The following FAM107A variants were observed in gnomAD, a reference collection of about 807,000 sequenced individuals.
FAM107A encodes family with sequence similarity 107 member A.
A neutral mutation model predicts 13.7 loss-of-function variants in FAM107A; 19 were observed. The observed-to-expected ratio is 1.38, with a 90% CI of 0.97 to 2.03. The LOEUF is 2.03. FAM107A is among the 30% of genes most tolerant of loss of function. The probability of loss-of-function intolerance (pLI) is 0.00; values close to 1 mark genes in which losing one functional copy is unlikely to be tolerated. For missense variants in FAM107A, 203 were observed against 184.4 expected, an observed-to-expected ratio of 1.10 and a Z score of -0.58; for synonymous variants, 82 against 74.5, an observed-to-expected ratio of 1.10 and a Z score of -0.52.
chr3:58,603,058 A>C (rs1375551229), intron 1 of FAM107A, among the ~76,000 whole-genome samples: 2 of 152,174 alleles, frequency 1.3e-5, no homozygotes, highest in East Asian at 3.8e-4. Flanking sequence ...AGTTCTCTGC[A>C]TTTCTTGAGT....
upstream of FAM107A, among the ~76,000 whole-genome samples, chr3:58,588,104 G>A (rs1234115430): frequency 2.6e-5 from 4 of 152,166 alleles, no homozygotes; most frequent in Non-Finnish European, 4.4e-5. Flanking sequence ...CAGTTTACAG[G>A]TGAGGTCGTT....
At chr3:58,626,258 T>C (rs2066015610) in intron 1 of FAM107A, among the ~76,000 whole-genome samples, 1 of 152,094 alleles carries the variant, frequency 6.6e-6, no homozygotes, top group South Asian at 2.1e-4. Context: ...AGAAAGTGAC[T>C]GTTTCACAAG....
chr3:58,622,848 G>C (rs2065969742), intron 1 of FAM107A, among the ~76,000 whole-genome samples: 1 of 152,118 alleles, frequency 6.6e-6, no homozygotes, highest in South Asian at 2.1e-4. Flanking sequence ...TCTTGTCCTT[G>C]AGCCTCCCAC....
upstream of FAM107A, among the ~76,000 whole-genome samples, chr3:58,581,576 C>G (rs1177295071): frequency 3.3e-5 from 5 of 152,132 alleles, no homozygotes; most frequent in East Asian, 9.6e-4. Context: ...CAGCCACCCA[C>G]AAAACAGCCC....
upstream of FAM107A, among the ~76,000 whole-genome samples, chr3:58,581,325 G>A (rs1381785178): frequency 6.6e-6 from 1 of 152,250 alleles, no homozygotes; most frequent in African/African-American, 2.4e-5. Flanking sequence ...TGACAGGGAG[G>A]TGGAGAATTT....
rs570493222 is a variant in FAM107A at position 58,623,141 on chromosome 3, A to G, written c.-70+4275T>C. Among the ~76,000 whole-genome samples, 33 of 152,370 alleles carry G rather than the reference A, an allele frequency of 2.2e-4. No homozygotes were observed. In the South Asian group the frequency reaches 6.6e-3, roughly 31 times the overall value. Reference sequence around the variant, plus strand: ...TTCAGGGAGCCAGCAGGGCCCAGCCAGATGTGTACCTTCTGGGCTCTGATA... The same window carrying G: ...TTCAGGGAGCCAGCAGGGCCCAGCCGGATGTGTACCTTCTGGGCTCTGATA... On this transcript the variant is annotated intron_variant, in intron 1 of 3. Transcript: ENST00000465970.
intron 1 of FAM107A, among the ~76,000 whole-genome samples, chr3:58,605,732 C>A (rs1282591193): frequency 6.6e-6 from 1 of 152,150 alleles, no homozygotes; most frequent in African/African-American, 2.4e-5. Context: ...GACATCCTTA[C>A]CCCCTCTCTA....
At chr3:58,584,971 G>A (rs2065588551) in intron 1 of FAM107A, among the ~76,000 whole-genome samples, 1 of 152,048 alleles carries the variant, frequency 6.6e-6, no homozygotes, top group African/African-American at 2.4e-5. Flanking sequence ...TGTGCGTTTT[G>A]TCCAATTCTT....
rs191887904 is a variant in FAM107A, at chr3:58,595,686, C to T, written c.-69-6417G>A. Among the ~76,000 whole-genome samples, 112 of 148,630 alleles carry T rather than the reference C, an allele frequency of 7.5e-4. No homozygotes were observed. In the East Asian group the frequency reaches 0.018, roughly 23 times the overall value. On this transcript the variant is annotated intron_variant, in intron 1 of 3. Coordinates refer to the FAM107A transcript ENST00000465970. ...CCCGCCTGCACCCAAGTGAAATAAA[C>T]AGCCTTGTTGCGTGCACACACACAC...
chr3:58,586,351 G>A, intron 1 of FAM107A, among the ~76,000 whole-genome samples: 1 of 152,122 alleles, frequency 6.6e-6, no homozygotes, highest in Non-Finnish European at 1.5e-5. Flanking sequence ...AGAAAGCAAT[G>A]TATGTCATAG....
At chr3:58,570,003 C>T in intron 1 of FAM107A, 138 bp from the exon 2 acceptor site, 3 of 750,456 alleles carry the variant, frequency 4.0e-6, no homozygotes, top group Non-Finnish European at 6.2e-6. Flanking sequence ...GGCAAGCTAC[C>T]TGACTTTCTG....
rs2063659234 is a variant in FAM107A at position 58,569,536 on chromosome 3, A to G, written c.170+155T>C. On this transcript the variant is annotated intron_variant, in intron 2 of 3. Coordinates refer to ENST00000360997, the MANE Select transcript of FAM107A (RefSeq NM_001076778.3). The surrounding 1 kb of genome is among the most constrained non-coding windows in gnomAD (Gnocchi z 5.7). ...GACCCACTGGGGACAGGGTCTTTAC[A>G]GGTTTTGCCGGTGATCATGTGGGGC... 6.6e-6 allele frequency among the ~76,000 whole-genome samples: 1 copy of G among 152,038 alleles called. No individual in the cohort carries two copies. The highest frequency in any genetic ancestry group is 6.5e-5 in the Admixed American group (1 of 15,274).
intron 1 of FAM107A, among the ~76,000 whole-genome samples, chr3:58,620,888 A>G (rs1036585181): frequency 1.3e-5 from 2 of 152,218 alleles, no homozygotes; most frequent in Non-Finnish European, 2.9e-5. Flanking sequence ...TCCTGCCTCC[A>G]AAGGTCACTC....
At chr3:58,605,275 C>T (rs2065783587) in intron 1 of FAM107A, among the ~76,000 whole-genome samples, 1 of 152,226 alleles carries the variant, frequency 6.6e-6, no homozygotes, top group Non-Finnish European at 1.5e-5. Flanking sequence ...AACAGCTGCT[C>T]TCTGGTAAGT....
At chr3:58,588,885 A>G (rs1357824017), upstream of FAM107A, among the ~76,000 whole-genome samples, 1 of 152,112 alleles carries the variant, frequency 6.6e-6, no homozygotes, top group Non-Finnish European at 1.5e-5. Flanking sequence ...CCTGACTTCC[A>G]GTGATCCACC....
intron 1 of FAM107A, among the ~76,000 whole-genome samples, chr3:58,573,044 TAA>T (rs11303735): frequency 3.8e-4 from 57 of 151,634 alleles, no homozygotes; most frequent in African/African-American, 1.1e-3. Context: ...CTCCAGGCCT[TAA>T]AAAAAAAATT....
At chr3:58,578,291 G>A (rs1180495567), upstream of FAM107A, among the ~76,000 whole-genome samples, 2 of 152,212 alleles carry the variant, frequency 1.3e-5, no homozygotes. Context: ...AAGTAGGCCA[G>A]GCATGGTAGC....
At chr3:58,587,403 A>T (rs1406463532), upstream of FAM107A, among the ~76,000 whole-genome samples, 5 of 151,988 alleles carry the variant, frequency 3.3e-5, no homozygotes, top group Admixed American at 6.5e-5. Flanking sequence ...GCAGAAACTC[A>T]GTTTCCTCAT....
chr3:58,620,499 G>A (rs76812880), intron 1 of FAM107A, among the ~76,000 whole-genome samples: 6 of 152,370 alleles, frequency 3.9e-5, no homozygotes, highest in Middle Eastern at 3.4e-3. Flanking sequence ...CGGCTGAGCC[G>A]GTATCTTTTT....
Sources: allele counts gnomAD v4.1 joint callset (sites outside exome capture counted in the v4.1 genomes callset), GRCh38; gene constraint gnomAD v4.1.1; non-coding constraint Gnocchi (gnomAD v3.1); transcripts MANE v1.5; gene names NCBI Gene and HGNC (gene_info 2026-07-23, HGNC 2026-07-21).